Variants in TRPV3 observed in about 807,000 individuals in gnomAD.
The protein encoded by TRPV3 is transient receptor potential cation channel subfamily V member 3.
TRPV3 carries 88 observed loss-of-function variants against 87.1 expected under a neutral mutation model. The observed-to-expected ratio is 1.01, with a 90% CI of 0.85 to 1.21. TRPV3 has a LOEUF of 1.21. Ranked by LOEUF, TRPV3 falls within the 50% of genes most tolerant of loss-of-function variation. The pLI is 0.00. For missense variants in TRPV3, 1,054 were observed against 1,030.1 expected, an observed-to-expected ratio of 1.02 and a Z score of -0.32; for synonymous variants, 438 against 423.3, an observed-to-expected ratio of 1.03 and a Z score of -0.43.
intron 6 of TRPV3, among the ~76,000 whole-genome samples, chr17:3,540,067 ATAAAT>A (rs1230057049): frequency 4.5e-5 from 6 of 134,388 alleles, no homozygotes; most frequent in Non-Finnish European, 6.8e-5. Flanking sequence ...CAAAAAATAA[ATAAAT>A]AAATAAATAA....
chr17:3,554,800 A>T lies in TRPV3; in HGVS notation c.51T>A (p.Ala17=). Residue 17 remains alanine (A), a synonymous_variant, in exon 2 of 18, where the codon GCT becomes GCA. Transcript: ENST00000576742. The part of the protein sequence containing the change: ...EMVPLMGKRV[A]APSGNPAILP... The stretch of plus-strand genomic sequence containing the variant: ...GGATGGCAGGGTTCCCACTGGGGGC[A>T]GCAACTCTCTTGCCCATGAGAGGCA... 1 of 1,612,804 alleles carries T rather than the reference A, an allele frequency of 6.2e-7. No individual in the cohort carries two copies.
intron 15 of TRPV3, among the ~76,000 whole-genome samples, chr17:3,517,828 C>A (rs12939146): frequency 0.44 from 47,647 of 107,456 alleles, 9,134 homozygotes; most frequent in Non-Finnish European, 0.53. Context: ...TTTTTTTTTT[C>A]TATTTTTGAG....
In TRPV3 at chr17:3,549,701, T is replaced by TGATGGATGGATG. The variant is rs144321631; in HGVS notation, c.120-4442_120-4431dup. On this transcript the variant is annotated intron_variant, in intron 2 of 17. Transcript: ENST00000576742. ...TGGAATGGGTAGATGAGTGGATGGA[T>TGATGGATGGATG]GATGGATGGATGGATGGATGGATGG... 7.2e-3 allele frequency among the ~76,000 whole-genome samples: 1,058 copies of TGATGGATGGATG among 147,958 alleles called. 6 individuals carry two copies. The highest frequency in any genetic ancestry group is 9.0e-3 in the Non-Finnish European group (605 of 66,864).
intron 14 of TRPV3, among the ~76,000 whole-genome samples, chr17:3,519,948 C>G (rs1288622786): frequency 1.9e-4 from 16 of 82,744 alleles, no homozygotes; most frequent in South Asian, 4.8e-4. Flanking sequence ...ATGGATAGAT[C>G]AATGGATGGA....
At position 3,532,840 on chromosome 17, in the gene TRPV3, T is replaced by A; in HGVS notation, c.882A>T (p.Ser294=). Residue 294 remains serine, a synonymous_variant, in exon 8 of 18, where the codon TCA becomes TCT. Coordinates refer to ENST00000576742, the MANE Select transcript of TRPV3 (RefSeq NM_145068.4). ...HEQTDITSRD[S]RGNNILHALV... ...GGGCGTGAAGGATGTTGTTGCCTCG[T>A]GAGTCCCGCGAGGTGATGTCCGTCT... 1 of 1,614,226 alleles carries A rather than the reference T, an allele frequency of 6.2e-7. No homozygotes were observed. Among genetic ancestry groups the A allele is most frequent in the Non-Finnish European group, 8.5e-7 (1 of 1,180,020 alleles).
intron 17 of TRPV3, 78 bp downstream of exon 17, chr17:3,514,515 G>T: frequency 9.9e-7 from 1 of 1,014,342 alleles, no homozygotes; most frequent in Non-Finnish European, 1.6e-6. Flanking sequence ...GGAAAGTCAG[G>T]ACCCTTAGAC....
intron 6 of TRPV3, among the ~76,000 whole-genome samples, chr17:3,542,042 C>T (rs1026982368): frequency 2.0e-5 from 3 of 152,184 alleles, no homozygotes; most frequent in East Asian, 1.9e-4. Context: ...CTGCAACCTC[C>T]GCCTCCTGGG....
At chr17:3,529,223 G>A (rs1371623222) in intron 9 of TRPV3, among the ~76,000 whole-genome samples, 1 of 152,160 alleles carries the variant, frequency 6.6e-6, no homozygotes, top group East Asian at 1.9e-4. Flanking sequence ...CTTGCAGCAG[G>A]AGGACCCGAT....
At chr17:3,549,381 G>C (rs1428889984) in intron 2 of TRPV3, among the ~76,000 whole-genome samples, 1 of 152,216 alleles carries the variant, frequency 6.6e-6, no homozygotes, top group Non-Finnish European at 1.5e-5. Context: ...AACTGACCAA[G>C]AAATAGTACA....
At chr17:3,550,616 C>A (rs2074565263) in intron 2 of TRPV3, among the ~76,000 whole-genome samples, 1 of 150,964 alleles carries the variant, frequency 6.6e-6, no homozygotes, top group African/African-American at 2.4e-5. Flanking sequence ...GCTCTGCCTC[C>A]CGGGTTCATG....
At chr17:3,544,748 G>C in intron 3 of TRPV3, 83 bp from the exon 4 acceptor site, 1 of 1,012,490 alleles carries the variant, frequency 9.9e-7, no homozygotes, top group South Asian at 1.4e-5. Context: ...TGTAATCCCA[G>C]CACTTTGGGA....
At chr17:3,527,900 G>T in intron 11 of TRPV3, 125 bp downstream of exon 11, 1 of 734,078 alleles carries the variant, frequency 1.4e-6, no homozygotes, top group East Asian at 2.6e-5. Flanking sequence ...AACTCAGAAA[G>T]GTAAGGCTTG....
At position 3,557,099 on chromosome 17, in the gene TRPV3, C is replaced by G. The variant is rs1402623798; in HGVS notation, c.-3+577G>C. 6.6e-6 allele frequency among the ~76,000 whole-genome samples: 1 copy of G among 152,078 alleles called. No individual in the cohort carries two copies. Among genetic ancestry groups the G allele is most frequent in the Non-Finnish European group, 1.5e-5 (1 of 68,006 alleles). ...AGGGCCGCAGCAGCTATCATTAGCT[C>G]CCTGAGTCACCCCGTAAACCCCACG... On this transcript the variant is annotated intron_variant, in intron 1 of 17. Transcript: ENST00000576742. The surrounding 1 kb of genome is among the most constrained non-coding windows in gnomAD (Gnocchi z 4.5).
Position 3,528,305 on chromosome 17 carries a change from C to T in TRPV3, c.1402-179G>A, listed in dbSNP as rs1278923874. Among the ~76,000 whole-genome samples the T allele has an allele frequency of 6.6e-6, 1 of 152,168 alleles. No homozygotes were observed. Among genetic ancestry groups the T allele is most frequent in the Non-Finnish European group, 1.5e-5 (1 of 68,016 alleles). On this transcript the variant is annotated intron_variant, in intron 10 of 17. Coordinates refer to ENST00000576742, the MANE Select transcript of TRPV3 (RefSeq NM_145068.4). This position sits in a 1 kb window ranked among gnomAD's most constrained non-coding sequence, Gnocchi z 4.2. ...AGCTCCCTGACCCCAACTCTCCTCA[C>T]CCTTGATGGAAACCCAGAACTCTAC... is the stretch of plus-strand genomic sequence containing the variant.
chr17:3,529,022 A>G (rs1449727566), intron 9 of TRPV3, 27 bp from the exon 10 acceptor site: 17 of 1,613,854 alleles, frequency 1.1e-5, no homozygotes, highest in Non-Finnish European at 1.4e-5. Flanking sequence ...ACCAGTCACC[A>G]TGGAGATGAG....
At chr17:3,545,351 G>C (rs935830979) in intron 2 of TRPV3, 80 bp from the exon 3 acceptor site, 93 of 1,112,784 alleles carry the variant, frequency 8.4e-5, no homozygotes, top group Non-Finnish European at 1.2e-4. Context: ...TGGCCCCAGA[G>C]GGTGCCCCCA....
At chr17:3,544,246 A>G (rs1255758310) in intron 4 of TRPV3, among the ~76,000 whole-genome samples, 1 of 152,252 alleles carries the variant, frequency 6.6e-6, no homozygotes, top group Non-Finnish European at 1.5e-5. Flanking sequence ...TGACCTCGTG[A>G]TCCTCCTGCC....
intron 12 of TRPV3, 34 bp from the exon 13 acceptor site, chr17:3,524,397 T>A (rs745609286): frequency 6.2e-7 from 1 of 1,611,034 alleles, no homozygotes. Flanking sequence ...CGGGCCTTAC[T>A]TACTTCTCAG....
rs188455894 is a variant in TRPV3, at chr17:3,513,859, G to T, written c.*58C>A. 8.9e-6 allele frequency: 13 copies of T among 1,454,572 alleles called. No individual in the cohort carries two copies. In the South Asian group the frequency reaches 1.3e-4, roughly 14 times the overall value. 90.1% of individuals were successfully genotyped at this position (1,454,572 alleles called of 1,614,324 possible). The stretch of plus-strand genomic sequence containing the variant: ...CCTCAAAGCCTCTCTGCACAGAGTC[G>T]GTGACTCCGCCTGCAGCGCCAGACA... On this transcript the variant is annotated 3_prime_UTR_variant, in exon 18 of 18. Transcript: ENST00000576742.
Sources: allele counts gnomAD v4.1 joint callset (sites outside exome capture counted in the v4.1 genomes callset), GRCh38; gene constraint gnomAD v4.1.1; non-coding constraint Gnocchi (gnomAD v3.1); transcripts MANE v1.5; gene names NCBI Gene and HGNC (gene_info 2026-07-23, HGNC 2026-07-21).